Variants in ITPR1 observed in about 807,000 individuals in gnomAD.
ITPR1 encodes inositol 1,4,5-trisphosphate receptor type 1.
A neutral mutation model predicts 318.4 loss-of-function variants in ITPR1; 96 were observed. The ratio of observed to expected loss-of-function variants is 0.30; its 90% CI spans 0.26 to 0.36. The LOEUF is 0.36. ITPR1 is among the 10% of genes least tolerant of loss of function. The pLI is 1.00. For missense variants in ITPR1, 2,440 were observed against 3,460.2 expected (o/e 0.71, Z 7.40); for synonymous variants, 1,312 against 1,289.9 (o/e 1.02, Z -0.37).
chr3:4,706,373 A>G (rs1279221561), intron 37 of ITPR1, 22 bp downstream of exon 37: 4 of 1,583,808 alleles, frequency 2.5e-6, no homozygotes, highest in Non-Finnish European at 1.7e-6. Context: ...TGTTGAGAGA[A>G]GTGATGCTTA....
intron 44 of ITPR1, among the ~76,000 whole-genome samples, chr3:4,747,392 G>A (rs574822270): frequency 5.3e-5 from 8 of 152,176 alleles, no homozygotes; most frequent in African/African-American, 9.7e-5. Context: ...CTGCCAGAAC[G>A]TGAGTTTGTA....
At chr3:4,846,092 G>T in intron 61 of ITPR1, 47 bp from the exon 62 acceptor site, 2 of 1,122,656 alleles carry the variant, frequency 1.8e-6, no homozygotes, top group Non-Finnish European at 2.6e-6. Flanking sequence ...GCGATTTGAC[G>T]TACAGGAAGT....
intron 24 of ITPR1, 81 bp from the exon 25 acceptor site, chr3:4,680,472 C>T (rs945885465): frequency 6.3e-6 from 8 of 1,278,810 alleles, no homozygotes; most frequent in East Asian, 4.6e-5. Flanking sequence ...TACCAGGCCC[C>T]GCCAGTGTGT....
intron 60 of ITPR1, among the ~76,000 whole-genome samples, chr3:4,831,872 T>TG (rs1222783127): frequency 6.6e-6 from 1 of 152,222 alleles, no homozygotes; most frequent in African/African-American, 2.4e-5. Flanking sequence ...TTCCAGTAAC[T>TG]GGGTTATAGT....
intron 13 of ITPR1, among the ~76,000 whole-genome samples, chr3:4,659,870 A>C (rs912347616): frequency 6.6e-6 from 1 of 152,170 alleles, no homozygotes; most frequent in Non-Finnish European, 1.5e-5. Context: ...TAACAATAGA[A>C]TATAATAAAT....
Position 4,742,755 on chromosome 3 carries a change from G to A in ITPR1, c.5544+7401G>A, listed in dbSNP as rs116163332. Among the ~76,000 whole-genome samples, 539 of 152,182 alleles carry A rather than the reference G, an allele frequency of 3.5e-3. 1 individual carries two copies. The highest frequency in any genetic ancestry group is 4.8e-3 in the Non-Finnish European group (325 of 67,998). On this transcript the variant is annotated intron_variant, in intron 44 of 61. Coordinates refer to ENST00000649015, the MANE Select transcript of ITPR1 (RefSeq NM_001378452.1). ...ACTATAGGTGCGGACCACCATGCTC[G>A]GTTCTAATTAATAATATTTTTATTT...
chr3:4,500,880 G>A (rs1015420206), intron 2 of ITPR1, among the ~76,000 whole-genome samples: 1 of 152,022 alleles, frequency 6.6e-6, no homozygotes, highest in Non-Finnish European at 1.5e-5. Context: ...TTGAAACAGG[G>A]TCTTGCTCTG....
At chr3:4,646,384 G>A (rs937368431) in intron 10 of ITPR1, among the ~76,000 whole-genome samples, 2 of 152,252 alleles carry the variant, frequency 1.3e-5, no homozygotes, top group African/African-American at 2.4e-5. Flanking sequence ...AGAAGGAAGA[G>A]ATGAATGGAG....
At chr3:4,712,938 A>G (rs2041491133) in intron 39 of ITPR1, among the ~76,000 whole-genome samples, 4 of 152,240 alleles carry the variant, frequency 2.6e-5, no homozygotes, top group Admixed American at 2.6e-4. Context: ...GTAACTCAGT[A>G]GGAATTTTGC....
chr3:4,620,297 T>A (rs1466964956), intron 4 of ITPR1, among the ~76,000 whole-genome samples: 1 of 152,178 alleles, frequency 6.6e-6, no homozygotes, highest in Non-Finnish European at 1.5e-5. Context: ...CTGCAGAGCC[T>A]CAATGGTCCA....
At chr3:4,717,864 G>A (rs1334834936) in intron 40 of ITPR1, among the ~76,000 whole-genome samples, 1 of 152,238 alleles carries the variant, frequency 6.6e-6, no homozygotes, top group Non-Finnish European at 1.5e-5. Flanking sequence ...TATTGAGTGT[G>A]AGAGTTCATA....
At chr3:4,576,962 G>A (rs2088731179) in intron 4 of ITPR1, among the ~76,000 whole-genome samples, 1 of 152,120 alleles carries the variant, frequency 6.6e-6, no homozygotes, top group African/African-American at 2.4e-5. Flanking sequence ...TAAACACCCA[G>A]TCCTGGGCTA....
chr3:4,670,597 C>T, intron 19 of ITPR1, 132 bp from the exon 20 acceptor site: 2 of 680,344 alleles, frequency 2.9e-6, no homozygotes, highest in East Asian at 5.4e-5. Context: ...ATGTCAGGCT[C>T]TCTGCGGCTC....
At chr3:4,589,905 G>T (rs1435200237) in intron 4 of ITPR1, among the ~76,000 whole-genome samples, 6 of 152,192 alleles carry the variant, frequency 3.9e-5, no homozygotes, top group African/African-American at 1.4e-4. Flanking sequence ...GCCTCTGGAA[G>T]TGGGCCTATC....
intron 4 of ITPR1, among the ~76,000 whole-genome samples, chr3:4,586,172 G>A (rs1384921737): frequency 6.6e-6 from 1 of 152,172 alleles, no homozygotes; most frequent in Non-Finnish European, 1.5e-5. Flanking sequence ...TATCACTGAT[G>A]GACATTTGAG....
At chr3:4,599,478 G>A (rs368977570) in intron 4 of ITPR1, among the ~76,000 whole-genome samples, 2 of 152,222 alleles carry the variant, frequency 1.3e-5, no homozygotes, top group South Asian at 4.1e-4. Flanking sequence ...ATGACAACAA[G>A]TGTCAGAAAC....
intron 30 of ITPR1, among the ~76,000 whole-genome samples, chr3:4,685,635 T>C (rs1014481072): frequency 6.6e-6 from 1 of 152,252 alleles, no homozygotes; most frequent in Non-Finnish European, 1.5e-5. Context: ...AGTAAGACGC[T>C]GACATCTGCT....
At chr3:4,801,352 A>G (rs1294389276) in intron 54 of ITPR1, among the ~76,000 whole-genome samples, 1 of 152,224 alleles carries the variant, frequency 6.6e-6, no homozygotes, top group African/African-American at 2.4e-5. Context: ...AATTCAGTGC[A>G]ACAGCAAAAG....
rs2046688954 is a variant in ITPR1, at chr3:4,779,538, T to G, written c.6292-12T>G. 6.2e-7 allele frequency: 1 copy of G among 1,606,998 alleles called. No homozygotes were observed. Among genetic ancestry groups the G allele is most frequent in the Admixed American group, 1.7e-5 (1 of 59,894 alleles). ...CCCTCTACATTTCCTCTCCCTTTGT[T>G]TCTCCAACTAGAACAATGCCTCGAA... On this transcript the variant is annotated splice_polypyrimidine_tract_variant and intron_variant, in intron 48 of 61. Coordinates refer to ENST00000649015, the MANE Select transcript of ITPR1 (RefSeq NM_001378452.1). The surrounding 1 kb of genome is among the most constrained non-coding windows in gnomAD (Gnocchi z 4.0).
Sources: allele counts gnomAD v4.1 joint callset (sites outside exome capture counted in the v4.1 genomes callset), GRCh38; gene constraint gnomAD v4.1.1; non-coding constraint Gnocchi (gnomAD v3.1); transcripts MANE v1.5; gene names NCBI Gene and HGNC (gene_info 2026-07-23, HGNC 2026-07-21).